The following GZMA variants were observed in gnomAD, a reference collection of about 807,000 sequenced individuals.
GZMA encodes the protein granzyme A.
A neutral mutation model predicts 21.1 loss-of-function variants in GZMA; 17 were observed. The ratio of observed to expected loss-of-function variants is 0.81; its 90% confidence interval spans 0.55 to 1.21. The LOEUF is 1.21. Ranked by LOEUF, GZMA falls within the 50% of genes most tolerant of loss-of-function variation. The pLI is 0.00. For missense variants in GZMA, 306 were observed against 315.9 expected (o/e 0.97, Z 0.24); for synonymous variants, 90 against 107.8 (o/e 0.83, Z 1.03).
chr5:55,105,435 G>T, intron 1 of GZMA, 39 bp from the exon 2 acceptor site: 1 of 1,573,692 alleles, frequency 6.4e-7, no homozygotes, highest in Non-Finnish European at 8.6e-7. Context: ...GCTCTTTGGG[G>T]GTGAGCACCA....
At position 55,110,016 on chromosome 5, in the gene GZMA, T is replaced by A; in HGVS notation, c.628-5T>A. ...CCACACCCTACCCCTCTTGTTTTCC[T>A]CCAGGGAGATTCTGGAAGCCCTTTG... is the stretch of plus-strand genomic sequence containing the variant. On this transcript the variant is annotated splice_region_variant and splice_polypyrimidine_tract_variant and intron_variant, in intron 4 of 4. Transcript: ENST00000274306. The A allele has an allele frequency of 1.9e-6, 3 of 1,596,302 alleles. No individual in the cohort carries two copies. Among genetic ancestry groups the A allele is most frequent in the Middle Eastern group, 1.7e-4 (1 of 5,944 alleles).
At position 55,108,082 on chromosome 5, in the gene GZMA, A is replaced by T. The variant is rs559498444; in HGVS notation, c.358-43A>T. The stretch of plus-strand genomic sequence containing the variant: ...TTGGACTATAATTTAAAATGTAAAT[A>T]TTTATCTTATCCCATTAACACTTTA... On this transcript the variant is annotated intron_variant, in intron 3 of 4. Transcript: ENST00000274306. The T allele has an allele frequency of 2.4e-5, 36 of 1,475,594 alleles. 1 individual carries two copies. The South Asian group carries it at 3.9e-4, about 16-fold the overall frequency. The allele number at this position is 1,475,594 out of a possible 1,614,324, so 91.4% of individuals were successfully genotyped here.
chr5:55,107,828 T>C lies in GZMA; in HGVS notation c.250T>C (p.Ser84Pro). Residue 84 changes from serine to proline, a missense_variant, in exon 3 of 5, where the codon TCA becomes CCA. Coordinates refer to ENST00000274306, the MANE Select transcript of GZMA (RefSeq NM_006144.4). ...KRSQVILGAH[S>P]ITREEPTKQI... ...GTCCCAGGTCATTCTTGGGGCTCAC[T>C]CAATAACCAGGGAAGAGCCAACAAA... The C allele has an allele frequency of 6.2e-7, 1 of 1,612,094 alleles. No individual in the cohort carries two copies. Among genetic ancestry groups the C allele is most frequent in the South Asian group, 1.1e-5 (1 of 91,036 alleles).
At chr5:55,109,531 C>G (rs934176834) in intron 4 of GZMA, among the ~76,000 whole-genome samples, 9 of 152,176 alleles carry the variant, frequency 5.9e-5, no homozygotes, top group African/African-American at 2.2e-4. Context: ...AGGGAGGATC[C>G]CGGGTTCCAA....
chr5:55,110,171 G>A lies in GZMA; in HGVS notation c.778G>A (p.Gly260Arg), dbSNP rs201747623. The A allele has an allele frequency of 1.7e-4, 268 of 1,587,704 alleles. No individual in the cohort carries two copies. Among genetic ancestry groups the A allele is most frequent in the Non-Finnish European group, 2.1e-4 (249 of 1,170,088 alleles). Residue 260 changes from glycine to arginine, a missense_variant, in exon 5 of 5, where the codon GGA (glycine) becomes AGA (arginine). Transcript: ENST00000274306. Reference protein sequence around the residue: ...HLNWIIMTIKGAV With the variant: ...HLNWIIMTIKRAV ...CAACTGGATAATTATGACTATCAAG[G>A]GAGCAGTTTAAATAACCGTTTCCTT... is the stretch of plus-strand genomic sequence containing the variant.
intron 1 of GZMA, among the ~76,000 whole-genome samples, chr5:55,104,300 T>C (rs1466937338): frequency 6.6e-6 from 1 of 152,196 alleles, no homozygotes; most frequent in Non-Finnish European, 1.5e-5. Flanking sequence ...GAAATCTATC[T>C]GTACATGAAT....
intron 1 of GZMA, among the ~76,000 whole-genome samples, chr5:55,104,624 G>A (rs1742353770): frequency 6.6e-6 from 1 of 152,178 alleles, no homozygotes; most frequent in Non-Finnish European, 1.5e-5. Flanking sequence ...AAACTATTTT[G>A]GGAGAATCCA....
At chr5:55,103,634 T>G (rs902010176) in intron 1 of GZMA, among the ~76,000 whole-genome samples, 8 of 152,184 alleles carry the variant, frequency 5.3e-5, no homozygotes, top group South Asian at 2.1e-4. Flanking sequence ...GCCACGGTTT[T>G]TCCCAGGATT....
intron 1 of GZMA, 123 bp from the exon 2 acceptor site, chr5:55,105,351 G>A: frequency 2.7e-6 from 2 of 750,566 alleles, no homozygotes; most frequent in Non-Finnish European, 4.3e-6. Flanking sequence ...AAAAGCAGGG[G>A]AAATGCTCTC....
At chr5:55,109,071 T>C (rs1019821183) in intron 4 of GZMA, among the ~76,000 whole-genome samples, 2 of 152,202 alleles carry the variant, frequency 1.3e-5, no homozygotes, top group Non-Finnish European at 2.9e-5. Context: ...AAAGACCCTA[T>C]AGAGCCTTAC....
chr5:55,108,944 T>C (rs1742460236), intron 4 of GZMA, among the ~76,000 whole-genome samples: 1 of 152,306 alleles, frequency 6.6e-6, no homozygotes, highest in African/African-American at 2.4e-5. Context: ...ATGTGTAAGC[T>C]TCCATCCTAG....
intron 1 of GZMA, 118 bp downstream of exon 1, chr5:55,102,870 TATA>T: frequency 1.4e-6 from 1 of 723,210 alleles, no homozygotes; most frequent in South Asian, 1.5e-5. Flanking sequence ...CCCCAAGCCT[TATA>T]ATGTTTAGCC....
At chr5:55,102,783 AC>A in intron 1 of GZMA, 31 bp downstream of exon 1, 1 of 1,356,134 alleles carries the variant, frequency 7.4e-7, no homozygotes, top group Non-Finnish European at 1.1e-6. Context: ...TTCCATTATG[AC>A]CATGAAGCAA....
chr5:55,108,078 A>G lies in GZMA; in HGVS notation c.358-47A>G, dbSNP rs1439781434. The G allele has an allele frequency of 1.4e-6, 2 of 1,460,574 alleles. 1 individual carries two copies. The highest frequency in any genetic ancestry group is 2.5e-5 in the South Asian group (2 of 81,136). The allele number at this position is 1,460,574 out of a possible 1,614,324, so 90.5% of individuals were successfully genotyped here. A position where few individuals can be genotyped will look rare whatever the true frequency, so the allele number is the denominator to read the frequency against. On this transcript the variant is annotated intron_variant, in intron 3 of 4. Coordinates refer to ENST00000274306, the MANE Select transcript of GZMA (RefSeq NM_006144.4). ...AATTTTGGACTATAATTTAAAATGT[A>G]AATATTTATCTTATCCCATTAACAC...
At position 55,105,599 on chromosome 5, in the gene GZMA, A is replaced by T. The variant is rs183080634; in HGVS notation, c.196A>T (p.Thr66Ser). Reference sequence around the variant, plus strand: ...TTTGATTGCAAAAGACTGGGTGTTGACTGCAGCTCACTGTAACTTGTAAGT... The same window carrying T: ...TTTGATTGCAAAAGACTGGGTGTTGTCTGCAGCTCACTGTAACTTGTAAGT... ...GALIAKDWVLTAAHCNLNKRS... is the reference protein window; with the variant it reads ...GALIAKDWVLSAAHCNLNKRS... Residue 66 changes from threonine (T) to serine (S), a missense_variant, in exon 2 of 5, where the codon ACT becomes TCT. Thr to Ser is a moderately conservative substitution (Grantham distance 58). Coordinates refer to ENST00000274306, the MANE Select transcript of GZMA (RefSeq NM_006144.4). 9 of 1,613,746 alleles carry T rather than the reference A, an allele frequency of 5.6e-6. No homozygotes were observed. In the Admixed American group the frequency reaches 1.5e-4, roughly 27 times the overall value.
At chr5:55,103,808 C>A (rs1465147954) in intron 1 of GZMA, among the ~76,000 whole-genome samples, 3 of 151,980 alleles carry the variant, frequency 2.0e-5, no homozygotes, top group Non-Finnish European at 2.9e-5. Context: ...GAGATGGAGA[C>A]CATCTTGGCC....
intron 1 of GZMA, among the ~76,000 whole-genome samples, chr5:55,103,831 C>T (rs1742342458): frequency 6.6e-6 from 1 of 151,936 alleles, no homozygotes; most frequent in South Asian, 2.1e-4. Context: ...CATGGTGAAA[C>T]CTTGTCTCCA....
At chr5:55,103,418 G>A (rs80048409) in intron 1 of GZMA, among the ~76,000 whole-genome samples, 2,501 of 152,278 alleles carry the variant, frequency 0.016, 81 homozygotes, top group African/African-American at 0.057. Context: ...GTGTGCTATA[G>A]TATTTTTTAT....
intron 1 of GZMA, among the ~76,000 whole-genome samples, chr5:55,103,952 G>A (rs1195636291): frequency 1.3e-5 from 2 of 151,984 alleles, no homozygotes; most frequent in East Asian, 3.9e-4. Flanking sequence ...GCTGCAGTGA[G>A]CTAAGATCGT....
Sources: allele counts gnomAD v4.1 joint callset (sites outside exome capture counted in the v4.1 genomes callset), GRCh38; gene constraint gnomAD v4.1.1; transcripts MANE v1.5; gene names NCBI Gene and HGNC (gene_info 2026-07-23, HGNC 2026-07-21).